The following DMD variants were observed in gnomAD, a reference collection of about 807,000 sequenced individuals.
DMD encodes the protein mutant dystrophin.
In DMD, 63 loss-of-function variants were observed where a neutral mutation model predicts 330.1. The ratio of observed to expected loss-of-function variants is 0.19; its 90% CI spans 0.16 to 0.24. The LOEUF is 0.24. DMD is among the 10% of genes least tolerant of loss of function. The probability of loss-of-function intolerance (pLI) is 1.00; values close to 1 mark genes in which losing one functional copy is unlikely to be tolerated. For synonymous variants in DMD, 1,223 were observed against 959.8 expected (o/e 1.27, Z -5.07); for missense variants, 3,344 against 2,684.1 (o/e 1.25, Z -5.43).
intron 24 of DMD, among the ~76,000 whole-genome samples, chrX:32,464,107 A>T (rs946932340): frequency 1.4e-4 from 16 of 112,115 alleles, no homozygotes; most frequent in Non-Finnish European, 2.8e-4. Context: ...GTGTTATATT[A>T]TAGTACAGTG....
At chrX:31,531,965 C>T (rs2073876735) in intron 55 of DMD, among the ~76,000 whole-genome samples, 1 of 83,968 alleles carries the variant, frequency 1.2e-5, no homozygotes, top group African/African-American at 4.8e-5. Flanking sequence ...AGCAAAGCCT[C>T]CAAGAAATAT....
At chrX:31,126,605 G>A in intron 78 of DMD, 37 bp downstream of exon 78, 1 of 1,173,294 alleles carries the variant, frequency 8.5e-7, no homozygotes, top group Non-Finnish European at 1.2e-6. Context: ...GGATGAGACA[G>A]ACAGAAGCCA....
At chrX:31,438,978 A>T (rs192529184) in intron 60 of DMD, among the ~76,000 whole-genome samples, 1,710 of 111,335 alleles carry the variant, frequency 0.015, 34 homozygotes, top group African/African-American at 0.053. Flanking sequence ...TAGTTTTTTT[A>T]AAATGAAGCC....
At chrX:32,169,142 G>A (rs1263673821) in intron 44 of DMD, among the ~76,000 whole-genome samples, 1 of 111,661 alleles carries the variant, frequency 9.0e-6, no homozygotes, top group Non-Finnish European at 1.9e-5. Flanking sequence ...ATTCATAACT[G>A]GCAATGGTAC....
chrX:33,145,861 G>A (rs1269992321), intron 1 of DMD, among the ~76,000 whole-genome samples: 3 of 109,950 alleles, frequency 2.7e-5, no homozygotes, highest in Non-Finnish European at 3.8e-5. Flanking sequence ...ACATAGTTAT[G>A]CAACTGTCAC....
At chrX:31,576,845 T>C (rs1395728276) in intron 55 of DMD, among the ~76,000 whole-genome samples, 4 of 107,583 alleles carry the variant, frequency 3.7e-5, no homozygotes, top group Non-Finnish European at 7.7e-5. Flanking sequence ...GCCTCCTGAG[T>C]AGTGGGACTA....
intron 2 of DMD, among the ~76,000 whole-genome samples, chrX:32,899,685 A>G (rs1346758428): frequency 9.1e-6 from 1 of 109,996 alleles, no homozygotes; most frequent in African/African-American, 3.3e-5. Context: ...AAAAAAAAAA[A>G]AAAAGAAAGA....
chrX:32,859,736 T>G (rs758700039), intron 2 of DMD, among the ~76,000 whole-genome samples: 15 of 111,377 alleles, frequency 1.3e-4, no homozygotes, highest in African/African-American at 4.9e-4. Context: ...TTTTAAGTAT[T>G]CTTTTGTTGT....
intron 55 of DMD, among the ~76,000 whole-genome samples, chrX:31,566,928 G>C (rs1164029380): frequency 9.0e-6 from 1 of 111,262 alleles, no homozygotes; most frequent in Non-Finnish European, 1.9e-5. Flanking sequence ...TCCGTAAGTT[G>C]TGATGGCTTG....
chrX:32,583,095 T>C (rs2053838133), intron 13 of DMD, among the ~76,000 whole-genome samples: 3 of 112,340 alleles, frequency 2.7e-5, no homozygotes, highest in African/African-American at 9.7e-5. Context: ...TCAGTAGAAA[T>C]GATTTCCATC....
chrX:32,706,216 G>T (rs1410193136), intron 7 of DMD, among the ~76,000 whole-genome samples: 3 of 73,685 alleles, frequency 4.1e-5, no homozygotes, highest in African/African-American at 1.5e-4. Flanking sequence ...TCACACACCG[G>T]GGCCTGTTGT....
intron 44 of DMD, among the ~76,000 whole-genome samples, chrX:32,172,451 G>A (rs1166162930): frequency 2.7e-5 from 3 of 111,483 alleles, no homozygotes; most frequent in Non-Finnish European, 5.7e-5. Flanking sequence ...ATCAGTTTCC[G>A]AATATGCCAC....
intron 47 of DMD, among the ~76,000 whole-genome samples, chrX:31,900,701 T>C (rs779795176): frequency 1.8e-5 from 2 of 111,427 alleles, no homozygotes; most frequent in African/African-American, 6.5e-5. Flanking sequence ...TTTGGAGGGC[T>C]CAGAAGAAAG....
At chrX:31,329,056 T>A (rs2056952184) in intron 61 of DMD, among the ~76,000 whole-genome samples, 1 of 112,683 alleles carries the variant, frequency 8.9e-6, no homozygotes, top group Non-Finnish European at 1.9e-5. Flanking sequence ...AGACCATTTA[T>A]CCACCATTCA....
At chrX:32,420,969 C>G (rs1452857643) in intron 29 of DMD, among the ~76,000 whole-genome samples, 1 of 111,375 alleles carries the variant, frequency 9.0e-6, no homozygotes, top group Non-Finnish European at 1.9e-5. Flanking sequence ...GACTACAGTG[C>G]CATGGATTTT....
chrX:32,841,516 G>C (rs2080159153), intron 4 of DMD, among the ~76,000 whole-genome samples: 1 of 111,896 alleles, frequency 8.9e-6, no homozygotes, highest in Non-Finnish European at 1.9e-5. Flanking sequence ...AGAGAACAAT[G>C]CAAGAGAATT....
intron 51 of DMD, among the ~76,000 whole-genome samples, chrX:31,747,182 G>A (rs965469091): frequency 9.0e-6 from 1 of 111,362 alleles, no homozygotes. Context: ...GTTGCTGGGG[G>A]TAGGAGGTGT....
In DMD at chrX:31,837,545, T is replaced by C. The variant is rs749949172; in HGVS notation, c.7099-726A>G. Reference sequence around the variant, plus strand: ...AGCTGAAGGAAGTGAAGTTAAATATTACAGAAGACTTTTTGGATGGAACAC... The same window carrying C: ...AGCTGAAGGAAGTGAAGTTAAATATCACAGAAGACTTTTTGGATGGAACAC... On this transcript the variant is annotated intron_variant, in intron 48 of 78. Transcript: ENST00000357033. 3.6e-5 allele frequency among the ~76,000 whole-genome samples: 4 copies of C among 111,936 alleles called. No individual in the cohort carries two copies. The East Asian group carries it at 1.1e-3, about 31-fold the overall frequency.
At chrX:32,913,672 G>A (rs2087508100) in intron 2 of DMD, among the ~76,000 whole-genome samples, 1 of 111,661 alleles carries the variant, frequency 9.0e-6, no homozygotes, top group South Asian at 3.8e-4. Flanking sequence ...AGAGTCTCGG[G>A]CATGCTAACA....
Sources: allele counts gnomAD v4.1 joint callset (sites outside exome capture counted in the v4.1 genomes callset), GRCh38; gene constraint gnomAD v4.1.1; transcripts MANE v1.5; gene names NCBI Gene and HGNC (gene_info 2026-07-23, HGNC 2026-07-21).